PDE8A: variants seen among roughly 807,000 people sequenced by gnomAD.
PDE8A encodes the protein high affinity cAMP-specific and IBMX-insensitive 3',5'-cyclic phosphodiesterase 8A.
PDE8A carries 59 observed loss-of-function variants against 105.0 expected under a neutral mutation model. That is an observed-to-expected ratio of 0.56 (90% CI 0.46 to 0.70). PDE8A has a LOEUF of 0.70. PDE8A is among the 30% of genes least tolerant of loss of function. The pLI is 0.00. For synonymous variants in PDE8A, 355 were observed against 371.9 expected (o/e 0.95, Z 0.52); for missense variants, 1,014 against 1,045.9 (o/e 0.97, Z 0.42).
chr15:85,083,815 A>G (rs897340209), intron 6 of PDE8A, among the ~76,000 whole-genome samples, 171 bp downstream of exon 6: 3 of 152,232 alleles, frequency 2.0e-5, no homozygotes, highest in African/African-American at 7.2e-5. Flanking sequence ...TGGATGTCTA[A>G]TAAGGGGTCA....
intron 19 of PDE8A, among the ~76,000 whole-genome samples, chr15:85,125,586 C>G (rs1247313493): frequency 6.6e-6 from 1 of 152,156 alleles, no homozygotes; most frequent in Non-Finnish European, 1.5e-5. Flanking sequence ...TCTCAGTGTC[C>G]TCATTTGTAA....
At chr15:85,002,107 A>C (rs1043453077) in intron 1 of PDE8A, among the ~76,000 whole-genome samples, 1 of 152,036 alleles carries the variant, frequency 6.6e-6, no homozygotes, top group Non-Finnish European at 1.5e-5. Flanking sequence ...GTTTGTGGAC[A>C]CCAGCTTGGG....
At chr15:85,019,991 C>T (rs906830445) in intron 1 of PDE8A, among the ~76,000 whole-genome samples, 4 of 86,242 alleles carry the variant, frequency 4.6e-5, no homozygotes, top group Admixed American at 1.8e-4. Flanking sequence ...GACTAGGATT[C>T]TCTTCTTAGT....
Position 85,123,911 on chromosome 15 carries a change from A to G in PDE8A, c.2085+718A>G, listed in dbSNP as rs145669402. On this transcript the variant is annotated intron_variant, in intron 19 of 21. Coordinates refer to ENST00000394553, the MANE Select transcript of PDE8A (RefSeq NM_002605.3). ...TAGATAAGCTAACTTTAGACAGACT[A>G]TTCCTGCACCCTTCCTCACTAATAT... Among the ~76,000 whole-genome samples, 20 of 152,318 alleles carry G rather than the reference A, an allele frequency of 1.3e-4. No homozygotes were observed. In the East Asian group the frequency reaches 2.9e-3, roughly 22 times the overall value.
At chr15:85,010,956 C>T (rs971157125) in intron 1 of PDE8A, among the ~76,000 whole-genome samples, 2 of 152,052 alleles carry the variant, frequency 1.3e-5, no homozygotes, top group African/African-American at 2.4e-5. Context: ...CATGACAATC[C>T]TAAGGTCAAG....
intron 16 of PDE8A, chr15:85,116,349 C>T (rs1465163494): frequency 1.5e-5 from 8 of 521,574 alleles, no homozygotes; most frequent in African/African-American, 1.3e-4. Flanking sequence ...CCAGTGACTT[C>T]TCCAAGTAGC....
chr15:85,137,652 A>G, intron 21 of PDE8A, 145 bp from the exon 22 acceptor site: 1 of 598,084 alleles, frequency 1.7e-6, no homozygotes, highest in Non-Finnish European at 3.0e-6. Context: ...CGGCTCGTTG[A>G]AGCTGCTGGG....
intron 1 of PDE8A, among the ~76,000 whole-genome samples, chr15:85,057,525 C>A (rs996843958): frequency 4.6e-5 from 7 of 152,260 alleles, no homozygotes; most frequent in Admixed American, 4.6e-4. Context: ...GGCTCATGCT[C>A]CATGGGCTGC....
In PDE8A at chr15:85,117,676, G is replaced by A. The variant is rs775184576; in HGVS notation, c.1571G>A (p.Arg524His). Residue 524 changes from arginine to histidine, a missense_variant, in exon 17 of 22, where the codon CGC becomes CAC. Physicochemically the swap from Arg to His is conservative, Grantham distance 29 (BLOSUM62 0). Coordinates refer to ENST00000394553, the MANE Select transcript of PDE8A (RefSeq NM_002605.3). ...TATCTTGGTCTCAAAATGTTTGCTCGCTTTGGAATCTGTGAATTCTTACAC... is the reference window on the plus strand; with the variant it reads ...TATCTTGGTCTCAAAATGTTTGCTCACTTTGGAATCTGTGAATTCTTACAC... ...LIYLGLKMFA[R>H]FGICEFLHCS... is the part of the protein sequence containing the mutation. 1.8e-5 allele frequency: 29 copies of A among 1,613,956 alleles called. No homozygotes were observed. Among genetic ancestry groups the A allele is most frequent in the Non-Finnish European group, 2.3e-5 (27 of 1,179,988 alleles).
intron 2 of PDE8A, among the ~76,000 whole-genome samples, chr15:85,066,627 C>T (rs1382601983): frequency 8.4e-6 from 1 of 118,870 alleles, no homozygotes; most frequent in African/African-American, 3.1e-5. Context: ...CACACACACA[C>T]ACACACACAC....
At chr15:85,008,391 C>T (rs1173798861) in intron 1 of PDE8A, among the ~76,000 whole-genome samples, 2 of 152,006 alleles carry the variant, frequency 1.3e-5, no homozygotes, top group Non-Finnish European at 2.9e-5. Flanking sequence ...CTGCCTTTCT[C>T]CTTGAACCTT....
intron 5 of PDE8A, among the ~76,000 whole-genome samples, chr15:85,078,171 TA>T (rs1204317724): frequency 6.8e-6 from 1 of 147,730 alleles, no homozygotes; most frequent in African/African-American, 2.5e-5. Flanking sequence ...GAAAAGGACT[TA>T]AAATCAGCCA....
rs145029040 is a variant in PDE8A, at chr15:85,113,392, G to A, written c.1130G>A (p.Arg377Gln). ...TTCTCCACAGTTTCCAGCCAGAGACGACACTCTTCCATGGCCCGGATACAT... is the reference window on the plus strand; with the variant it reads ...TTCTCCACAGTTTCCAGCCAGAGACAACACTCTTCCATGGCCCGGATACAT... ...SRATEVSSQRRHSSMARIHSM... is the reference protein window; with the variant it reads ...SRATEVSSQRQHSSMARIHSM... The change falls in exon 13 of 22, where the codon CGA becomes CAA. Residue 377 changes from arginine to glutamine, a missense_variant. Physicochemically the swap from Arg to Gln is conservative, Grantham distance 43. Coordinates refer to ENST00000394553, the MANE Select transcript of PDE8A (RefSeq NM_002605.3). The A allele has an allele frequency of 3.0e-5, 48 of 1,613,956 alleles. No homozygotes were observed. The highest frequency in any genetic ancestry group is 5.3e-5 in the African/African-American group (4 of 74,884).
intron 5 of PDE8A, among the ~76,000 whole-genome samples, chr15:85,077,929 C>A (rs1200604699): frequency 6.6e-6 from 1 of 151,702 alleles, no homozygotes; most frequent in Non-Finnish European, 1.5e-5. Context: ...ATAAGTTAGA[C>A]AGGTGAAGAA....
chr15:85,039,166 C>T (rs1258156387), intron 1 of PDE8A, among the ~76,000 whole-genome samples: 1 of 151,752 alleles, frequency 6.6e-6, no homozygotes, highest in Non-Finnish European at 1.5e-5. Flanking sequence ...TGGCTCATGC[C>T]TATAAGCCCA....
At chr15:85,130,896 A>T (rs2082321238) in intron 20 of PDE8A, among the ~76,000 whole-genome samples, 1 of 151,990 alleles carries the variant, frequency 6.6e-6, no homozygotes, top group South Asian at 2.1e-4. Context: ...AGTAGCTGGG[A>T]TTATAGGCAC....
chr15:84,982,601 T>C (rs1357212448), intron 1 of PDE8A, among the ~76,000 whole-genome samples: 1 of 149,114 alleles, frequency 6.7e-6, no homozygotes, highest in African/African-American at 2.4e-5. Context: ...GTCGGTTTTT[T>C]GGACACATCC....
At chr15:85,090,099 G>A (rs1253295006) in intron 7 of PDE8A, among the ~76,000 whole-genome samples, 1 of 152,204 alleles carries the variant, frequency 6.6e-6, no homozygotes, top group Non-Finnish European at 1.5e-5. Flanking sequence ...TTGAAGAGGT[G>A]ATGGTGTTGA....
At chr15:85,005,868 C>T (rs1392781912) in intron 1 of PDE8A, among the ~76,000 whole-genome samples, 5 of 151,894 alleles carry the variant, frequency 3.3e-5, no homozygotes, top group Non-Finnish European at 5.9e-5. Flanking sequence ...GGGAACATGG[C>T]GAGAACTGAC....
Sources: allele counts gnomAD v4.1 joint callset (sites outside exome capture counted in the v4.1 genomes callset), GRCh38; gene constraint gnomAD v4.1.1; transcripts MANE v1.5; gene names NCBI Gene and HGNC (gene_info 2026-07-23, HGNC 2026-07-21).